Variants in FMN1 observed in about 807,000 individuals in gnomAD.
FMN1 encodes formin-1.
In FMN1, 110 loss-of-function variants were observed where a neutral mutation model predicts 132.4. The ratio of observed to expected loss-of-function variants is 0.83; its 90% confidence interval spans 0.71 to 0.97. The LOEUF is 0.97. Ranked by LOEUF, FMN1 falls within the 50% of genes least tolerant of loss-of-function variation. FMN1 has a pLI of 0.00. For synonymous variants in FMN1, 722 were observed against 651.7 expected (o/e 1.11, Z -1.64); for missense variants, 1,792 against 1,705.3 (o/e 1.05, Z -0.90).
intron 19 of FMN1, among the ~76,000 whole-genome samples, chr15:32,779,859 A>G (rs371287580): frequency 3.3e-4 from 50 of 152,308 alleles, no homozygotes; most frequent in African/African-American, 1.1e-3. Context: ...AGAATAGGGT[A>G]TAACAGTGAG....
intron 17 of FMN1, among the ~76,000 whole-genome samples, chr15:32,845,300 T>C (rs2058830963): frequency 6.6e-6 from 1 of 152,190 alleles, no homozygotes; most frequent in African/African-American, 2.4e-5. Flanking sequence ...CATAAAATAC[T>C]TAAATACTTG....
At chr15:32,962,105 TTTATTATTA>T (rs10645453) in intron 9 of FMN1, among the ~76,000 whole-genome samples, 7 of 150,862 alleles carry the variant, frequency 4.6e-5, no homozygotes, top group East Asian at 3.9e-4. Flanking sequence ...AGGGCAAGGA[TTTATTATTA>T]TTATTATTAT....
chr15:32,804,384 C>T (rs138309229), intron 17 of FMN1, 52 bp from the exon 18 acceptor site: 337 of 1,016,108 alleles, frequency 3.3e-4, no homozygotes, highest in African/African-American at 2.4e-3. Flanking sequence ...GTCTCCTTTG[C>T]GTAATCTTAC....
chr15:32,921,102 A>T lies in FMN1; in HGVS notation c.3226+5072T>A, dbSNP rs77612082. Among the ~76,000 whole-genome samples, 281 of 152,308 alleles carry T rather than the reference A, an allele frequency of 1.8e-3. 1 individual carries two copies. The highest frequency in any genetic ancestry group is 3.8e-3 in the Non-Finnish European group (260 of 68,030). On this transcript the variant is annotated intron_variant, in intron 10 of 20. Transcript: ENST00000616417. ...AAAACATAAGTAGATGAACAAATAA[A>T]ATATTAGTTGCTGTGAAGGAAATAA...
At chr15:32,885,805 A>ATTT (rs11333611) in intron 16 of FMN1, among the ~76,000 whole-genome samples, 1 of 144,298 alleles carries the variant, frequency 6.9e-6, no homozygotes, top group African/African-American at 2.5e-5. Context: ...TGTTAATACT[A>ATTT]TTTTTTTTTT....
chr15:32,936,021 C>G (rs371651629), intron 9 of FMN1, among the ~76,000 whole-genome samples: 1 of 152,146 alleles, frequency 6.6e-6, no homozygotes, highest in African/African-American at 2.4e-5. Context: ...AAGTCTGCTA[C>G]TGAACCCCAC....
At chr15:33,020,802 A>G (rs1405224073) in intron 6 of FMN1, among the ~76,000 whole-genome samples, 1 of 152,242 alleles carries the variant, frequency 6.6e-6, no homozygotes. Context: ...GAAATATCTA[A>G]GAACTTTTGG....
intron 3 of FMN1, among the ~76,000 whole-genome samples, chr15:33,170,555 TAAAA>T (rs199549365): frequency 1.6e-4 from 21 of 129,122 alleles, no homozygotes; most frequent in African/African-American, 5.3e-4. Context: ...AACTCAACAA[TAAAA>T]AAAAAAAAAA....
chr15:32,855,706 A>G (rs1389095578), intron 17 of FMN1, among the ~76,000 whole-genome samples: 1 of 152,214 alleles, frequency 6.6e-6, no homozygotes, highest in Non-Finnish European at 1.5e-5. Flanking sequence ...TCCAAGTACA[A>G]ATGAGCCTCA....
intron 8 of FMN1, among the ~76,000 whole-genome samples, chr15:32,965,223 C>G (rs954627036): frequency 3.3e-5 from 5 of 151,970 alleles, no homozygotes; most frequent in African/African-American, 1.2e-4. Flanking sequence ...CATGGTGAAA[C>G]CCCATCTCTA....
At chr15:32,919,178 T>C (rs1241271893) in intron 10 of FMN1, among the ~76,000 whole-genome samples, 2 of 152,044 alleles carry the variant, frequency 1.3e-5, no homozygotes, top group Admixed American at 1.3e-4. Flanking sequence ...TTAAATGAAG[T>C]TTTCTTATTC....
At chr15:33,016,792 G>A (rs912415226) in intron 6 of FMN1, among the ~76,000 whole-genome samples, 3 of 152,142 alleles carry the variant, frequency 2.0e-5, no homozygotes, top group Non-Finnish European at 2.9e-5. Context: ...CACACACCTG[G>A]GCGATCTGAT....
intron 6 of FMN1, among the ~76,000 whole-genome samples, chr15:33,013,421 A>C (rs1452018129): frequency 6.6e-6 from 1 of 152,186 alleles, no homozygotes; most frequent in Non-Finnish European, 1.5e-5. Flanking sequence ...TAAAAAAAGA[A>C]AGACTAGCAA....
rs1378269 is a variant in FMN1, at chr15:33,054,427, C to T, written c.2161+10530G>A. Among the ~76,000 whole-genome samples, 565 of 152,122 alleles carry T rather than the reference C, an allele frequency of 3.7e-3. 2 individuals carry two copies. Among genetic ancestry groups the T allele is most frequent in the African/African-American group, 0.013 (547 of 41,512 alleles). On this transcript the variant is annotated intron_variant, in intron 6 of 20. Transcript: ENST00000616417. ...CTCAACTATGACTATGGCATCATTT[C>T]ATTTTTACATGGGTTTGGATCAAGT...
chr15:33,106,210 T>C (rs575755076), intron 4 of FMN1: 14 of 152,102 alleles, frequency 9.2e-5, no homozygotes, highest in Admixed American at 6.6e-4. Context: ...AATTTTTCCT[T>C]GCTTCTTAAC....
intron 6 of FMN1, chr15:33,012,678 T>G: frequency 1.2e-6 from 1 of 828,104 alleles, no homozygotes; most frequent in Non-Finnish European, 2.1e-6. Context: ...AGATGGCTAG[T>G]GCTTCATCCA....
chr15:32,971,796 T>G (rs541027907), intron 7 of FMN1, among the ~76,000 whole-genome samples: 3 of 152,340 alleles, frequency 2.0e-5, no homozygotes, highest in East Asian at 3.9e-4. Flanking sequence ...GTGAACTTAT[T>G]GAGTTTCTGC....
At chr15:32,985,296 A>C (rs2032995243) in intron 7 of FMN1, among the ~76,000 whole-genome samples, 1 of 152,134 alleles carries the variant, frequency 6.6e-6, no homozygotes, top group South Asian at 2.1e-4. Flanking sequence ...CTCTGATAGT[A>C]CAAATTCCTG....
chr15:32,848,468 A>T, intron 17 of FMN1, among the ~76,000 whole-genome samples: 1 of 152,312 alleles, frequency 6.6e-6, no homozygotes, highest in East Asian at 1.9e-4. Context: ...GATGTTGAAG[A>T]AGGCAGCCAT....
Sources: allele counts gnomAD v4.1 joint callset (sites outside exome capture counted in the v4.1 genomes callset), GRCh38; gene constraint gnomAD v4.1.1; transcripts MANE v1.5; gene names NCBI Gene and HGNC (gene_info 2026-07-23, HGNC 2026-07-21).